Variants in DCC observed in about 807,000 individuals in gnomAD.
The protein encoded by DCC is netrin receptor DCC.
DCC carries 58 observed loss-of-function variants against 172.5 expected under a neutral mutation model. The observed-to-expected ratio is 0.34, with a 90% CI of 0.27 to 0.42. The LOEUF (loss-of-function observed/expected upper bound fraction) is 0.42, where lower values mean the gene tolerates loss of function less well. Ranked by LOEUF, DCC falls within the 10% of genes least tolerant of loss-of-function variation. The probability of loss-of-function intolerance (pLI) is 1.00; values close to 1 mark genes in which losing one functional copy is unlikely to be tolerated. For synonymous variants in DCC, 709 were observed against 644.5 expected (o/e 1.10, Z -1.52); for missense variants, 1,740 against 1,791.0 (o/e 0.97, Z 0.51).
At chr18:53,310,180 G>A (rs1267839106) in intron 13 of DCC, among the ~76,000 whole-genome samples, 1 of 151,940 alleles carries the variant, frequency 6.6e-6, no homozygotes. Context: ...GAACCAGGGA[G>A]CGCTACATAC....
chr18:53,441,381 G>T (rs921914163), intron 22 of DCC, among the ~76,000 whole-genome samples: 7 of 151,930 alleles, frequency 4.6e-5, no homozygotes, highest in Non-Finnish European at 1.0e-4. Context: ...CCTTTCCATG[G>T]ATCGGAATTC....
intron 7 of DCC, among the ~76,000 whole-genome samples, chr18:53,116,210 A>G (rs1034439991): frequency 5.3e-5 from 8 of 151,760 alleles, no homozygotes; most frequent in Non-Finnish European, 8.9e-5. Flanking sequence ...CAAGAAAGGC[A>G]CAAAGGGATT....
rs772025747 is a variant in DCC at position 52,752,366 on chromosome 18, C to T, written c.404C>T (p.Ala135Val). The change falls in exon 2 of 29, where the codon GCA (alanine) becomes GTA (valine). Residue 135 changes from alanine to valine, a missense_variant. This residue lies in a region of DCC where 1,732 missense variants were observed against 1,767.4 expected (regional missense o/e 0.98). Coordinates refer to ENST00000442544, the MANE Select transcript of DCC (RefSeq NM_005215.4). Reference sequence around the variant, plus strand: ...ATTATTAGTCGGACAGCAAAAGTTGCAGTAGCAGGTAGGTGGATTCTTCCT... The same window carrying T: ...ATTATTAGTCGGACAGCAAAAGTTGTAGTAGCAGGTAGGTGGATTCTTCCT... The part of the protein sequence containing the change: ...GSIISRTAKV[A>V]VAGPLRFLSQ... The T allele has an allele frequency of 6.2e-7, 1 of 1,613,424 alleles. No homozygotes were observed. Among genetic ancestry groups the T allele is most frequent in the South Asian group, 1.1e-5 (1 of 91,070 alleles).
chr18:52,822,864 G>A (rs533976006), intron 2 of DCC, among the ~76,000 whole-genome samples: 20 of 152,260 alleles, frequency 1.3e-4, no homozygotes, highest in African/African-American at 4.6e-4. Context: ...CCTAAGTGTA[G>A]GATTTGTTTT....
intron 21 of DCC, among the ~76,000 whole-genome samples, chr18:53,430,664 T>A (rs916311161): frequency 1.3e-5 from 2 of 152,132 alleles, no homozygotes; most frequent in African/African-American, 4.8e-5. Flanking sequence ...GTAAGGATAA[T>A]AACATAAATA....
intron 28 of DCC, among the ~76,000 whole-genome samples, chr18:53,529,818 G>GACAT (rs2144633556): frequency 6.6e-6 from 1 of 152,262 alleles, no homozygotes; most frequent in African/African-American, 2.4e-5. Context: ...ATTACTTACT[G>GACAT]ACATGATAAT....
At chr18:52,699,200 G>C (rs9959862) in intron 1 of DCC, among the ~76,000 whole-genome samples, 22,680 of 152,082 alleles carry the variant, frequency 0.15, 2,179 homozygotes, top group Middle Eastern at 0.27. Flanking sequence ...GGGATGACAG[G>C]GTGCAAGATT....
chr18:52,450,973 G>T (rs1988285707), intron 1 of DCC, among the ~76,000 whole-genome samples: 1 of 152,158 alleles, frequency 6.6e-6, no homozygotes, highest in Non-Finnish European at 1.5e-5. Flanking sequence ...TTTTGGTTTT[G>T]AAGTCAATTT....
intron 7 of DCC, among the ~76,000 whole-genome samples, chr18:53,105,464 A>G (rs1274527210): frequency 1.3e-5 from 2 of 152,016 alleles, no homozygotes; most frequent in South Asian, 2.1e-4. Context: ...TTGCTTTATA[A>G]TGGGGCTCTA....
intron 2 of DCC, chr18:52,892,600 G>C (rs2039666778): frequency 6.6e-6 from 1 of 152,086 alleles, no homozygotes; most frequent in South Asian, 2.1e-4. Flanking sequence ...CTTTGATTCT[G>C]GTGAGTTTGA....
intron 9 of DCC, among the ~76,000 whole-genome samples, chr18:53,204,826 A>C (rs1286731530): frequency 1.3e-5 from 2 of 152,126 alleles, no homozygotes; most frequent in Non-Finnish European, 2.9e-5. Context: ...AAGTACTCCA[A>C]ATGTACTTTC....
chr18:52,591,598 G>T (rs2033800645), intron 1 of DCC, among the ~76,000 whole-genome samples: 1 of 151,672 alleles, frequency 6.6e-6, no homozygotes, highest in Non-Finnish European at 1.5e-5. Flanking sequence ...AGTGCACATT[G>T]CCAAATTACA....
intron 25 of DCC, chr18:53,480,944 T>A (rs1461702258): frequency 6.6e-6 from 1 of 152,218 alleles, no homozygotes; most frequent in Non-Finnish European, 1.5e-5. Flanking sequence ...TGAGGTTTCT[T>A]TCAGTGTCTT....
intron 1 of DCC, among the ~76,000 whole-genome samples, chr18:52,500,093 T>A (rs1400078236): frequency 2.6e-5 from 4 of 151,700 alleles, no homozygotes; most frequent in African/African-American, 9.7e-5. Context: ...AGTGCTGTTC[T>A]GGAAACGTTA....
rs141106013 is a variant in DCC, at chr18:53,230,293, A to G, written c.1911+14696A>G. Among the ~76,000 whole-genome samples the G allele has an allele frequency of 4.4e-3, 676 of 152,250 alleles. 3 individuals are homozygous for G. Among genetic ancestry groups the G allele is most frequent in the African/African-American group, 0.015 (633 of 41,584 alleles). ...ATATAATTTGATATACCCCCAAAGT[A>G]GAAGAATTGCACAGTGCCTTTAATA... On this transcript the variant is annotated intron_variant, in intron 12 of 28. Transcript: ENST00000442544.
At chr18:53,278,302 A>C (rs1002442053) in intron 12 of DCC, among the ~76,000 whole-genome samples, 3 of 152,180 alleles carry the variant, frequency 2.0e-5, no homozygotes, top group Non-Finnish European at 2.9e-5. Context: ...ATATGGAAAG[A>C]AATATTTTCT....
chr18:52,961,595 C>A (rs1250177030), intron 5 of DCC, among the ~76,000 whole-genome samples: 1 of 152,164 alleles, frequency 6.6e-6, no homozygotes, highest in Non-Finnish European at 1.5e-5. Flanking sequence ...CCAAACACCA[C>A]AAAGTTGGCT....
intron 12 of DCC, among the ~76,000 whole-genome samples, chr18:53,250,277 T>C (rs1227245198): frequency 6.6e-6 from 1 of 151,980 alleles, no homozygotes; most frequent in Non-Finnish European, 1.5e-5. Context: ...TATAAAGTTT[T>C]ACCATGAAAG....
intron 7 of DCC, among the ~76,000 whole-genome samples, chr18:53,074,791 C>G (rs572229042): frequency 6.6e-6 from 1 of 152,198 alleles, no homozygotes; most frequent in East Asian, 1.9e-4. Context: ...CATTTCTACA[C>G]TCTTATCCAG....
Sources: allele counts gnomAD v4.1 joint callset (sites outside exome capture counted in the v4.1 genomes callset), GRCh38; gene constraint gnomAD v4.1.1; regional missense constraint gnomAD v4.1.1; transcripts MANE v1.5; gene names NCBI Gene and HGNC (gene_info 2026-07-23, HGNC 2026-07-21).